TSPAN32: variants seen among roughly 807,000 people sequenced by gnomAD.
The protein encoded by TSPAN32 is tetraspanin-32.
In TSPAN32, 47 loss-of-function variants were observed where a neutral mutation model predicts 42.7. The observed-to-expected ratio is 1.10, with a 90% CI of 0.87 to 1.40. The LOEUF (loss-of-function observed/expected upper bound fraction) is 1.40. Ranked by LOEUF, TSPAN32 falls within the 40% of genes most tolerant of loss-of-function variation. The pLI, the probability that TSPAN32 is intolerant of heterozygous loss-of-function variation, is 0.00. For synonymous variants in TSPAN32, 175 were observed against 175.9 expected (o/e 0.99, Z 0.04); for missense variants, 469 against 424.1 (o/e 1.11, Z -0.93).
intron 3 of TSPAN32, among the ~76,000 whole-genome samples, chr11:2,305,779 G>T (rs370832210): frequency 4.1e-4 from 62 of 152,300 alleles, no homozygotes; most frequent in African/African-American, 1.3e-3. Context: ...CCTGCACTGG[G>T]CTGGGGTCCT....
chr11:2,307,670 G>A (rs552322484), intron 3 of TSPAN32, among the ~76,000 whole-genome samples: 1 of 152,322 alleles, frequency 6.6e-6, no homozygotes, highest in Non-Finnish European at 1.5e-5. Flanking sequence ...CCGCAAGGGG[G>A]CTCTCAAAAG....
rs567786674 is a variant in TSPAN32 at position 2,311,693 on chromosome 11, G to A, written c.355-1961G>A. 4.3e-4 allele frequency among the ~76,000 whole-genome samples: 65 copies of A among 152,360 alleles called. 1 individual carries two copies. The South Asian group carries it at 0.012, about 28-fold the overall frequency. On this transcript the variant is annotated intron_variant, in intron 4 of 9. Coordinates refer to ENST00000182290, the MANE Select transcript of TSPAN32 (RefSeq NM_139022.3). The stretch of plus-strand genomic sequence containing the variant: ...AGCAGACACAGGATGGGGTCGCCAA[G>A]CCCAGGCAGACACCAGGGAAGATCT...
chr11:2,317,932 C>A lies in TSPAN32; in HGVS notation c.*8C>A. On this transcript the variant is annotated 3_prime_UTR_variant, in exon 10 of 10. Coordinates refer to ENST00000182290, the MANE Select transcript of TSPAN32 (RefSeq NM_139022.3). This position sits in a 1 kb window ranked among gnomAD's most constrained non-coding sequence, Gnocchi z 6.2. The stretch of plus-strand genomic sequence containing the variant: ...CGGGGTCTCTCAGACTGACGTCAGG[C>A]CTTGGTGGGCTGCACTCTCACCTGG... 1 of 964,402 alleles carries A rather than the reference C, an allele frequency of 1.0e-6. No individual in the cohort carries two copies. Among genetic ancestry groups the A allele is most frequent in the Middle Eastern group, 2.2e-4 (1 of 4,494 alleles). The allele number at this position is 964,402 out of a possible 1,614,324, so 59.7% of individuals were successfully genotyped here.
intron 3 of TSPAN32, among the ~76,000 whole-genome samples, chr11:2,305,162 G>A (rs1649907102): frequency 6.6e-6 from 1 of 152,262 alleles, no homozygotes; most frequent in Admixed American, 6.5e-5. Flanking sequence ...TCCAAGAATA[G>A]GAATAGAGTC....
At chr11:2,314,615 G>T (rs1446101942) in intron 6 of TSPAN32, 44 bp downstream of exon 6, 1 of 1,519,934 alleles carries the variant, frequency 6.6e-7, no homozygotes, top group Non-Finnish European at 9.0e-7. Context: ...ACCCTCGGGG[G>T]CTGGACACCC....
chr11:2,315,706 A>G, intron 6 of TSPAN32: 1 of 1,209,118 alleles, frequency 8.3e-7, no homozygotes, highest in Non-Finnish European at 1.1e-6. Flanking sequence ...CAGGCCTGCC[A>G]CCTCCCTTTT....
At position 2,317,644 on chromosome 11, in the gene TSPAN32, G is replaced by C; in HGVS notation, c.901+119G>C. 1 of 1,480,138 alleles carries C rather than the reference G, an allele frequency of 6.8e-7. No individual in the cohort carries two copies. 91.7% of individuals were successfully genotyped at this position (1,480,138 alleles called of 1,614,324 possible). ...CAGGCTCCATTGGGAACAGATGCAA[G>C]GGTAAGGGGTAGCTCACCAAATCCC... is the stretch of plus-strand genomic sequence containing the variant. On this transcript the variant is annotated intron_variant, in intron 9 of 9. Transcript: ENST00000182290. This position sits in a 1 kb window ranked among gnomAD's most constrained non-coding sequence, Gnocchi z 6.2.
Position 2,305,378 on chromosome 11 carries a change from C to A in TSPAN32, c.279+1174C>A, listed in dbSNP as rs529431046. The stretch of plus-strand genomic sequence containing the variant: ...GACAAGGCAGGTAGTCTGCCCCCCC[C>A]CCCAGAGGGTGTGTGGCCTGCAAAG... On this transcript the variant is annotated intron_variant, in intron 3 of 9. Coordinates refer to ENST00000182290, the MANE Select transcript of TSPAN32 (RefSeq NM_139022.3). Among the ~76,000 whole-genome samples, 30 of 151,524 alleles carry A rather than the reference C, an allele frequency of 2.0e-4. No homozygotes were observed. The South Asian group carries it at 3.1e-3, about 16-fold the overall frequency.
In TSPAN32 at chr11:2,314,585, C is replaced by T. The variant is rs1564965812; in HGVS notation, c.543+14C>T. 1.9e-6 allele frequency: 3 copies of T among 1,595,354 alleles called. No individual in the cohort carries two copies. Among genetic ancestry groups the T allele is most frequent in the Non-Finnish European group, 2.6e-6 (3 of 1,170,348 alleles). ...GCGGCGAGAGAGGTGAGGGGGGGAC[C>T]TGGATGCTGGCCAGGCAAGACCCTC... On this transcript the variant is annotated intron_variant, in intron 6 of 9. Coordinates refer to ENST00000182290, the MANE Select transcript of TSPAN32 (RefSeq NM_139022.3).
Position 2,315,467 on chromosome 11 carries a change from G to A in TSPAN32, c.544-762G>A, listed in dbSNP as rs1003617496. 1.1e-4 allele frequency: 129 copies of A among 1,134,106 alleles called. 1 individual carries two copies. The highest frequency in any genetic ancestry group is 4.1e-4 in the Middle Eastern group (1 of 2,458). The allele number at this position is 1,134,106 out of a possible 1,614,324, so 70.3% of individuals were successfully genotyped here. A position where few individuals can be genotyped will look rare whatever the true frequency, so the allele number is the denominator to read the frequency against. ...AGGCCCCCGACTGAAAAGCAGGAGC[G>A]AGGGCCTGCCTCGAGCACCCTTGGG... On this transcript the variant is annotated intron_variant, in intron 6 of 9. Transcript: ENST00000182290.
intron 1 of TSPAN32, 89 bp from the exon 2 acceptor site, chr11:2,302,755 G>T: frequency 9.5e-7 from 1 of 1,053,324 alleles, no homozygotes. Flanking sequence ...CGGGAAGCTG[G>T]AGAGAGCCCC....
At chr11:2,303,371 AG>A in intron 2 of TSPAN32, 1 of 93,950 alleles carries the variant, frequency 1.1e-5, no homozygotes, top group Non-Finnish European at 2.1e-5. Context: ...GTGGGTGGGG[AG>A]GGGGTGGGGG....
rs768944967 is a variant in TSPAN32 at position 2,302,882 on chromosome 11, C to T, written c.105C>T (p.Thr35=). 6.2e-7 allele frequency: 1 copy of T among 1,613,682 alleles called. No homozygotes were observed. The highest frequency in any genetic ancestry group is 1.7e-5 in the Admixed American group (1 of 60,018). Residue 35 remains threonine, a synonymous_variant, in exon 2 of 10, where the codon ACC becomes ACT. Transcript: ENST00000182290. ...CTGTGGCCACCATGGTGACTCTTAC[C>T]TACTTCGGGGCCCACTTTGCTGTCA... ...GLSVATMVTL[T]YFGAHFAVIR...
In TSPAN32 at chr11:2,309,055, G is replaced by A. The variant is rs888114288; in HGVS notation, c.354+245G>A. On this transcript the variant is annotated intron_variant, in intron 4 of 9. Transcript: ENST00000182290. ...GGACCTATGCTGTACCCCTGCCTTC[G>A]CCCCAGTCTCATTTTCTTAAAGCCC... 5.9e-5 allele frequency among the ~76,000 whole-genome samples: 9 copies of A among 151,824 alleles called. 1 individual carries two copies. The highest frequency in any genetic ancestry group is 2.1e-4 in the South Asian group (1 of 4,816).
At position 2,317,894 on chromosome 11, in the gene TSPAN32, T is replaced by A. The variant is rs754391237; in HGVS notation, c.933T>A (p.Ser311Arg). Residue 311 changes from serine to arginine, a missense_variant, in exon 10 of 10, where the codon AGT (serine) becomes AGA (arginine). Coordinates refer to ENST00000182290, the MANE Select transcript of TSPAN32 (RefSeq NM_139022.3). This position sits in a 1 kb window ranked among gnomAD's most constrained non-coding sequence, Gnocchi z 6.2. ...AGGGCAGAAGTCGCGGTGGGCTCAGTGGGTGCCCTGAGCGGGGTCTCTCAG... is the reference window on the plus strand; with the variant it reads ...AGGGCAGAAGTCGCGGTGGGCTCAGAGGGTGCCCTGAGCGGGGTCTCTCAG... ...ALQGRSRGGL[S>R]GCPERGLSD 3 of 1,365,670 alleles carry A rather than the reference T, an allele frequency of 2.2e-6. No individual in the cohort carries two copies. The African/African-American group carries it at 4.3e-5, about 20-fold the overall frequency. The allele number at this position is 1,365,670 out of a possible 1,614,324, so 84.6% of individuals were successfully genotyped here. A position where few individuals can be genotyped will look rare whatever the true frequency, so the allele number is the denominator to read the frequency against.
Position 2,309,652 on chromosome 11 carries a change from G to T in TSPAN32, c.354+842G>T, listed in dbSNP as rs561786930. On this transcript the variant is annotated intron_variant, in intron 4 of 9. Transcript: ENST00000182290. ...TCCTAGTGGCCTCGTGTATTCAAGT[G>T]CCTGGTTGCCCAGGGCCCTCAAACA... The T allele has an allele frequency of 1.1e-3, 321 of 279,626 alleles. 3 individuals carry two copies. Among genetic ancestry groups the T allele is most frequent in the South Asian group, 0.01 (312 of 30,464 alleles). The allele number at this position is 279,626 out of a possible 1,614,324, so 17.3% of individuals were successfully genotyped here.
intron 2 of TSPAN32, chr11:2,303,453 G>T: frequency 5.2e-6 from 1 of 190,804 alleles, no homozygotes; most frequent in Non-Finnish European, 1.1e-5. Flanking sequence ...GCGGGAGCGA[G>T]GGCCAGAGCC....
intron 5 of TSPAN32, 26 bp from the exon 6 acceptor site, chr11:2,314,456 TCAC>T (rs1383905853): frequency 6.3e-7 from 1 of 1,585,974 alleles, no homozygotes; most frequent in South Asian, 1.1e-5. Context: ...CGGGAGCACA[TCAC>T]CACTCCCTCC....
At chr11:2,305,633 A>C (rs1258908336) in intron 3 of TSPAN32, among the ~76,000 whole-genome samples, 1 of 152,192 alleles carries the variant, frequency 6.6e-6, no homozygotes, top group Non-Finnish European at 1.5e-5. Flanking sequence ...AAACCAGTCT[A>C]GCACCCTCAT....
Sources: allele counts gnomAD v4.1 joint callset (sites outside exome capture counted in the v4.1 genomes callset), GRCh38; gene constraint gnomAD v4.1.1; non-coding constraint Gnocchi (gnomAD v3.1); transcripts MANE v1.5; gene names NCBI Gene and HGNC (gene_info 2026-07-23, HGNC 2026-07-21).